Variants in ARHGAP5 observed in about 807,000 individuals in gnomAD.
ARHGAP5 encodes the protein Rho GTPase activating protein 5.
ARHGAP5 carries 23 observed loss-of-function variants against 116.6 expected under a neutral mutation model. The ratio of observed to expected loss-of-function variants is 0.20; its 90% CI spans 0.14 to 0.28. The LOEUF is 0.28. ARHGAP5 is among the 10% of genes least tolerant of loss of function. The probability of loss-of-function intolerance (pLI) is 1.00; values close to 1 mark genes in which losing one functional copy is unlikely to be tolerated. For missense variants in ARHGAP5, 1,405 were observed against 1,774.8 expected, an observed-to-expected ratio of 0.79 and a Z score of 3.74; for synonymous variants, 574 against 602.0, an observed-to-expected ratio of 0.95 and a Z score of 0.68.
chr14:32,142,923 C>T (rs1881193170), intron 3 of ARHGAP5, among the ~76,000 whole-genome samples: 1 of 152,180 alleles, frequency 6.6e-6, no homozygotes, highest in Non-Finnish European at 1.5e-5. Flanking sequence ...TTGGTGACAT[C>T]ACTCCCCATG....
At chr14:32,144,060 C>G (rs114052852) in intron 3 of ARHGAP5, among the ~76,000 whole-genome samples, 10,043 of 152,130 alleles carry the variant, frequency 0.066, 1,061 homozygotes, top group African/African-American at 0.22. Flanking sequence ...ATGGAAAGTT[C>G]CTGCTATGAC....
At chr14:32,082,740 A>G (rs965730278) in intron 1 of ARHGAP5, among the ~76,000 whole-genome samples, 1 of 152,146 alleles carries the variant, frequency 6.6e-6, no homozygotes, top group Admixed American at 6.5e-5. Context: ...GGGTTTCACC[A>G]TGTTGGTCGG....
intron 2 of ARHGAP5, among the ~76,000 whole-genome samples, chr14:32,107,515 G>C (rs548613889): frequency 8.5e-5 from 13 of 152,278 alleles, no homozygotes; most frequent in African/African-American, 3.1e-4. Context: ...ACCATGTGCT[G>C]TATATATTGT....
chr14:32,127,939 G>C (rs1231332969), intron 3 of ARHGAP5, among the ~76,000 whole-genome samples: 1 of 150,080 alleles, frequency 6.7e-6, no homozygotes, highest in Non-Finnish European at 1.5e-5. Context: ...GGTCACGGCC[G>C]GGCAGAGGTG....
Position 32,091,734 on chromosome 14 carries a change from G to T in ARHGAP5, c.1065G>T (p.Glu355Asp). The T allele has an allele frequency of 6.2e-7, 1 of 1,613,322 alleles. No individual in the cohort carries two copies. The highest frequency in any genetic ancestry group is 8.5e-7 in the Non-Finnish European group (1 of 1,179,568). Reference protein sequence around the residue: ...AFNTLLPNLEEIEHLNWSEAL... With the variant: ...AFNTLLPNLEDIEHLNWSEAL... ...ACACTCTTTTGCCAAATCTAGAAGAGATTGAACATTTGAATTGGTCAGAAG... is the reference window on the plus strand; with the variant it reads ...ACACTCTTTTGCCAAATCTAGAAGATATTGAACATTTGAATTGGTCAGAAG... Residue 355 changes from glutamate (E) to aspartate (D), a missense_variant, in exon 2 of 7, where the codon GAG becomes GAT. Glu to Asp is a conservative substitution (Grantham distance 45). Around this residue, in one of 6 missense-constraint regions of ARHGAP5, gnomAD observed 944 missense variants for 1,095.3 expected, o/e 0.86. Coordinates refer to ENST00000345122, the MANE Select transcript of ARHGAP5 (RefSeq NM_001030055.2).
chr14:32,099,082 T>C (rs1284716629), intron 2 of ARHGAP5, among the ~76,000 whole-genome samples: 1 of 152,086 alleles, frequency 6.6e-6, no homozygotes, highest in Admixed American at 6.6e-5. Context: ...ATATGAGAGA[T>C]ACCTAAAACG....
intron 3 of ARHGAP5, among the ~76,000 whole-genome samples, chr14:32,119,619 G>C (rs1289107253): frequency 6.6e-6 from 1 of 152,096 alleles, no homozygotes. Flanking sequence ...ATTTTATTAA[G>C]TATAATGTTA....
intron 4 of ARHGAP5, among the ~76,000 whole-genome samples, chr14:32,146,954 C>T (rs563365749): frequency 6.6e-6 from 1 of 152,250 alleles, no homozygotes; most frequent in South Asian, 2.1e-4. Flanking sequence ...CGAGTTTCTT[C>T]CCAAATTTCG....
chr14:32,093,316 G>A lies in ARHGAP5; in HGVS notation c.2647G>A (p.Ala883Thr), dbSNP rs1232815651. ...AGACACCATTCCTGTACAGCTGGTG[G>A]CAGTTACTGACAGCCAAGCAGATTT... ...VQDTIPVQLV[A>T]VTDSQADFFE... Residue 883 changes from alanine (A) to threonine (T), a missense_variant, in exon 2 of 7, where the codon GCA (alanine) becomes ACA (threonine). This residue lies in a region of ARHGAP5 where 944 missense variants were observed against 1,095.3 expected (regional missense o/e 0.86). Coordinates refer to ENST00000345122, the MANE Select transcript of ARHGAP5 (RefSeq NM_001030055.2). 6.2e-6 allele frequency: 10 copies of A among 1,613,768 alleles called. No homozygotes were observed. Among genetic ancestry groups the A allele is most frequent in the Admixed American group, 1.7e-5 (1 of 59,976 alleles).
intron 2 of ARHGAP5, among the ~76,000 whole-genome samples, chr14:32,101,652 C>CAAA (rs779208798): frequency 1.0e-5 from 1 of 97,662 alleles, no homozygotes; most frequent in African/African-American, 3.7e-5. Context: ...TTGTGAAGGC[C>CAAA]AAAAAAAAAA....
chr14:32,126,051 C>T lies in ARHGAP5; in HGVS notation c.3865+8764C>T, dbSNP rs535361202. ...GTTTGTCTTCTGTGAATAGGGATAC[C>T]TTTACTTTCAAATCTGAATGCTTTC... On this transcript the variant is annotated intron_variant, in intron 3 of 6. Coordinates refer to ENST00000345122, the MANE Select transcript of ARHGAP5 (RefSeq NM_001030055.2). Among the ~76,000 whole-genome samples, 5 of 152,150 alleles carry T rather than the reference C, an allele frequency of 3.3e-5. 1 individual carries two copies. Among genetic ancestry groups the T allele is most frequent in the African/African-American group, 1.2e-4 (5 of 41,518 alleles).
At chr14:32,094,445 A>G in intron 2 of ARHGAP5, 59 bp downstream of exon 2, 1 of 1,270,294 alleles carries the variant, frequency 7.9e-7, no homozygotes, top group Non-Finnish European at 1.1e-6. Flanking sequence ...CTTTTTTAAA[A>G]TACTGACATC....
intron 2 of ARHGAP5, among the ~76,000 whole-genome samples, chr14:32,112,309 T>C (rs895172740): frequency 6.6e-6 from 1 of 152,184 alleles, no homozygotes; most frequent in Admixed American, 6.5e-5. Flanking sequence ...TATTTGAAGA[T>C]GTTGCTGAGG....
intron 2 of ARHGAP5, among the ~76,000 whole-genome samples, chr14:32,115,167 C>G (rs552778348): frequency 6.6e-6 from 1 of 152,324 alleles, no homozygotes; most frequent in African/African-American, 2.4e-5. Flanking sequence ...ATACCCTGCT[C>G]TAGAGAGTGA....
rs1882002607 is a variant in ARHGAP5 at position 32,158,858 on chromosome 14, G to A, written c.*3910G>A. ...CTCATATTCCAACATCCAGTTACTT[G>A]ATGTGATCCAAGTACCCTGGTCTTT... On this transcript the variant is annotated 3_prime_UTR_variant, in exon 7 of 7. Transcript: ENST00000345122. The A allele has an allele frequency of 6.6e-6, 1 of 151,994 alleles. No individual in the cohort carries two copies. Among genetic ancestry groups the A allele is most frequent in the African/African-American group, 2.4e-5 (1 of 41,426 alleles). The allele number at this position is 151,994 out of a possible 1,614,324, so 9.4% of individuals were successfully genotyped here.
At position 32,157,996 on chromosome 14, in the gene ARHGAP5, T is replaced by TA. The variant is rs1167560025; in HGVS notation, c.*3053dup. On this transcript the variant is annotated 3_prime_UTR_variant, in exon 7 of 7. Transcript: ENST00000345122. The stretch of plus-strand genomic sequence containing the variant: ...CTGGATATAAATACACATATAATTT[T>TA]AAAAAGTCAAAAGTGCTTTTGTTTC... 2 of 151,788 alleles carry TA rather than the reference T, an allele frequency of 1.3e-5. No individual in the cohort carries two copies. The highest frequency in any genetic ancestry group is 4.8e-5 in the African/African-American group (2 of 41,436). The allele number at this position is 151,788 out of a possible 1,614,324, so 9.4% of individuals were successfully genotyped here.
chr14:32,101,100 C>T (rs1235248748), intron 2 of ARHGAP5, among the ~76,000 whole-genome samples: 1 of 151,788 alleles, frequency 6.6e-6, no homozygotes, highest in Non-Finnish European at 1.5e-5. Context: ...TGTCTTATTC[C>T]AGGCCCTGAA....
At chr14:32,112,475 G>C (rs946586615) in intron 2 of ARHGAP5, among the ~76,000 whole-genome samples, 10 of 152,168 alleles carry the variant, frequency 6.6e-5, no homozygotes, top group Admixed American at 6.5e-4. Flanking sequence ...GTTTTACTGT[G>C]ATGTGCTTTT....
intron 2 of ARHGAP5, among the ~76,000 whole-genome samples, chr14:32,103,441 CTT>C (rs1168612433): frequency 1.3e-5 from 2 of 152,098 alleles, no homozygotes; most frequent in South Asian, 2.1e-4. Flanking sequence ...TCTATACAAA[CTT>C]TTTCTTAGTG....
Sources: allele counts gnomAD v4.1 joint callset (sites outside exome capture counted in the v4.1 genomes callset), GRCh38; gene constraint gnomAD v4.1.1; regional missense constraint gnomAD v4.1.1; transcripts MANE v1.5; gene names NCBI Gene and HGNC (gene_info 2026-07-23, HGNC 2026-07-21).